The following LRRC56 variants were observed in gnomAD, a reference collection of about 807,000 sequenced individuals.
LRRC56 encodes the protein leucine-rich repeat-containing protein 56.
In LRRC56, 41 loss-of-function variants were observed where a neutral mutation model predicts 47.8. That is an observed-to-expected ratio of 0.86 (90% CI 0.67 to 1.11). The LOEUF (loss-of-function observed/expected upper bound fraction) is 1.11, where lower values mean the gene tolerates loss of function less well. LRRC56 is among the 50% of genes most tolerant of loss of function. LRRC56 has a pLI of 0.00. For synonymous variants in LRRC56, 387 were observed against 311.2 expected (o/e 1.24, Z -2.56); for missense variants, 759 against 704.2 (o/e 1.08, Z -0.88).
At chr11:548,049 C>A (rs1224534636) in intron 6 of LRRC56, among the ~76,000 whole-genome samples, 1 of 151,990 alleles carries the variant, frequency 6.6e-6, no homozygotes, top group African/African-American at 2.4e-5. Flanking sequence ...TTGCTTGAAC[C>A]TGGGAGGCAG....
At chr11:514,138 C>T in the LRRC56 span, among the ~76,000 whole-genome samples, 34 of 152,192 alleles carry the variant, frequency 2.2e-4, no homozygotes, top group Admixed American at 3.3e-4. Flanking sequence ...ACTACAAGCA[C>T]GCACCACCAC....
In LRRC56 at chr11:549,558, G is replaced by A. The variant is rs115458228; in HGVS notation, c.327-344G>A. ...CACTCCAGACCCTTACTCCAAATTC[G>A]AGTGCCCCAAACGCTACTGAGGAGA... is the stretch of plus-strand genomic sequence containing the variant. On this transcript the variant is annotated intron_variant, in intron 6 of 13. Transcript: ENST00000270115. Among the ~76,000 whole-genome samples, 684 of 152,294 alleles carry A rather than the reference G, an allele frequency of 4.5e-3. 4 individuals are homozygous for A. Among genetic ancestry groups the A allele is most frequent in the African/African-American group, 0.016 (655 of 41,546 alleles).
the LRRC56 span, among the ~76,000 whole-genome samples, chr11:523,850 C>T: frequency 2.6e-5 from 4 of 152,082 alleles, no homozygotes; most frequent in Non-Finnish European, 4.4e-5. Flanking sequence ...AACACTTGAA[C>T]CTGGGAGGCA....
intron 13 of LRRC56, among the ~76,000 whole-genome samples, chr11:553,667 C>G (rs755891250): frequency 3.3e-5 from 5 of 152,106 alleles, no homozygotes; most frequent in African/African-American, 1.2e-4. Context: ...CACAGATGAC[C>G]GAGGGTCAGA....
chr11:522,029 T>C, the LRRC56 span, among the ~76,000 whole-genome samples: 2 of 151,834 alleles, frequency 1.3e-5, no homozygotes, highest in Admixed American at 6.6e-5. Flanking sequence ...AATAAAAAAA[T>C]CTAAATCCAA....
At chr11:512,219 G>C in the LRRC56 span, among the ~76,000 whole-genome samples, 2 of 150,724 alleles carry the variant, frequency 1.3e-5, no homozygotes, top group Non-Finnish European at 2.9e-5. Context: ...TGGGATTATA[G>C]GTGTGAGCCA....
At chr11:515,013 C>G in the LRRC56 span, among the ~76,000 whole-genome samples, 1 of 152,144 alleles carries the variant, frequency 6.6e-6, no homozygotes, top group Non-Finnish European at 1.5e-5. Flanking sequence ...GAAATTGGGC[C>G]GTTTGACAGA....
In LRRC56 at chr11:540,842, A is replaced by T; in HGVS notation, c.158A>T (p.Tyr53Phe). ...CTTGGAGAGCAGCTGGTGGAAGAGT[A>T]CCTGTCCCCTGCCCGGCTGGTGAGT... ...DRLGEQLVEE[Y>F]LSPARLQALA... Residue 53 changes from tyrosine (Y) to phenylalanine (F), a missense_variant, in exon 4 of 14, where the codon TAC becomes TTC. Transcript: ENST00000270115. 6.4e-7 allele frequency: 1 copy of T among 1,572,990 alleles called. No individual in the cohort carries two copies. The highest frequency in any genetic ancestry group is 1.2e-5 in the South Asian group (1 of 86,142).
intron 5 of LRRC56, among the ~76,000 whole-genome samples, chr11:543,348 G>A (rs1458559046): frequency 6.6e-6 from 1 of 151,628 alleles, no homozygotes; most frequent in Non-Finnish European, 1.5e-5. Context: ...CTGAGTAGCT[G>A]GGATTACAGG....
At chr11:526,662 C>T in the LRRC56 span, among the ~76,000 whole-genome samples, 2 of 152,210 alleles carry the variant, frequency 1.3e-5, no homozygotes, top group East Asian at 1.9e-4. Context: ...AGTGGCCGGG[C>T]ACGGTGGCTC....
chr11:518,478 G>A, the LRRC56 span, among the ~76,000 whole-genome samples: 4 of 152,220 alleles, frequency 2.6e-5, no homozygotes, highest in East Asian at 1.9e-4. Flanking sequence ...CACCGCGCCA[G>A]GTCAGCTTTT....
At chr11:533,564 C>A (rs878854759), upstream of LRRC56, 1 of 1,613,906 alleles carries the variant, frequency 6.2e-7, no homozygotes, top group Non-Finnish European at 8.5e-7. Context: ...TGTTCCCCAC[C>A]AGCACCATGG....
At chr11:525,886 G>A in the LRRC56 span, among the ~76,000 whole-genome samples, 1 of 149,920 alleles carries the variant, frequency 6.7e-6, no homozygotes, top group Non-Finnish European at 1.5e-5. Flanking sequence ...GACAGAGCCA[G>A]ACCCTGTCTC....
chr11:515,313 C>T, the LRRC56 span, among the ~76,000 whole-genome samples: 1 of 152,158 alleles, frequency 6.6e-6, no homozygotes. Context: ...GCAGATGAGT[C>T]CTTCCTCAGA....
chr11:516,222 G>A, the LRRC56 span, among the ~76,000 whole-genome samples: 17 of 151,914 alleles, frequency 1.1e-4, no homozygotes, highest in East Asian at 1.9e-4. Context: ...GGCGAAACCC[G>A]TCTCTACCAA....
chr11:552,051 A>C, intron 11 of LRRC56, 39 bp from the exon 12 acceptor site: 2 of 1,604,476 alleles, frequency 1.2e-6, no homozygotes, highest in Non-Finnish European at 1.7e-6. Flanking sequence ...CCGCCATTCC[A>C]GGGCCAGAAT....
upstream of LRRC56, chr11:533,282 G>A (rs376091236): frequency 2.5e-5 from 40 of 1,591,560 alleles, no homozygotes; most frequent in African/African-American, 4.7e-4. Context: ...CTTACAGCGC[G>A]AGGGGCCGCT....
At chr11:518,961 CT>C in the LRRC56 span, among the ~76,000 whole-genome samples, 2 of 151,826 alleles carry the variant, frequency 1.3e-5, no homozygotes, top group African/African-American at 2.4e-5. Context: ...CCGAGGGGAA[CT>C]TGCGGCCCCA....
chr11:524,864 G>A, the LRRC56 span, among the ~76,000 whole-genome samples: 7,688 of 151,820 alleles, frequency 0.051, 359 homozygotes, highest in East Asian at 0.16. Context: ...AGGCCGAGGC[G>A]GGTGAATCAT....
Sources: allele counts gnomAD v4.1 joint callset (sites outside exome capture counted in the v4.1 genomes callset), GRCh38; gene constraint gnomAD v4.1.1; transcripts MANE v1.5; gene names NCBI Gene and HGNC (gene_info 2026-07-23, HGNC 2026-07-21).